RBPMS: variants seen among roughly 807,000 people sequenced by gnomAD.
RBPMS encodes RNA-binding protein with multiple splicing.
In RBPMS, 7 loss-of-function variants were observed where a neutral mutation model predicts 26.8. That is an observed-to-expected ratio of 0.26 (90% CI 0.15 to 0.49). RBPMS has a LOEUF of 0.49. RBPMS is among the 20% of genes least tolerant of loss of function. The probability of loss-of-function intolerance (pLI) is 0.98; values close to 1 mark genes in which losing one functional copy is unlikely to be tolerated. For missense variants in RBPMS, 186 were observed against 250.0 expected, an observed-to-expected ratio of 0.74 and a Z score of 1.73; for synonymous variants, 96 against 93.3, an observed-to-expected ratio of 1.03 and a Z score of -0.17.
Position 30,558,008 on chromosome 8 carries a change from G to GC in RBPMS, c.529-878dup, listed in dbSNP as rs568648931. On this transcript the variant is annotated intron_variant, in intron 6 of 8. Coordinates refer to ENST00000397323, the MANE Select transcript of RBPMS (RefSeq NM_001008710.3). Reference sequence around the variant, plus strand: ...GCCTCCCAAGCAGCTGGGATTACAGGCATGCATGCCCACGCCCAGCTAATT... The same window carrying GC: ...GCCTCCCAAGCAGCTGGGATTACAGGCCATGCATGCCCACGCCCAGCTAATT... 1.5e-4 allele frequency among the ~76,000 whole-genome samples: 23 copies of GC among 152,304 alleles called. No homozygotes were observed. The East Asian group carries it at 4.4e-3, about 29-fold the overall frequency.
intron 5 of RBPMS, among the ~76,000 whole-genome samples, chr8:30,511,325 A>G (rs563055993): frequency 6.6e-6 from 1 of 151,554 alleles, no homozygotes; most frequent in South Asian, 2.1e-4. Context: ...AAATAAAACA[A>G]AAAATCAAGC....
At position 30,388,372 on chromosome 8, in the gene RBPMS, T is replaced by C. The variant is rs191283825; in HGVS notation, c.66+3214T>C. On this transcript the variant is annotated intron_variant, in intron 1 of 8. Coordinates refer to ENST00000397323, the MANE Select transcript of RBPMS (RefSeq NM_001008710.3). ...TTGATGAGTTTAAAGTATTTTCAAA[T>C]ATATCAAGACCTTTTCTGTCTTATA... 1.8e-3 allele frequency among the ~76,000 whole-genome samples: 272 copies of C among 151,526 alleles called. 1 individual carries two copies. Among genetic ancestry groups the C allele is most frequent in the African/African-American group, 6.1e-3 (251 of 41,472 alleles).
At chr8:30,439,425 T>G (rs1011130413) in intron 1 of RBPMS, among the ~76,000 whole-genome samples, 2 of 152,240 alleles carry the variant, frequency 1.3e-5, no homozygotes, top group African/African-American at 4.8e-5. Flanking sequence ...TTCCTTTGAT[T>G]CATGATTTAC....
Position 30,504,422 on chromosome 8 carries a change from T to C in RBPMS, c.383T>C (p.Ile128Thr). The C allele has an allele frequency of 3.7e-6, 6 of 1,614,172 alleles. No individual in the cohort carries two copies. Among genetic ancestry groups the C allele is most frequent in the South Asian group, 1.1e-5 (1 of 91,082 alleles). ...CTGCCCAACACTGTACCTCAGTTCA[T>C]TGCCAGAGAGCCATGTAAGTCGATC... is the stretch of plus-strand genomic sequence containing the variant. ...TPLPNTVPQF[I>T]AREPYELTVP... The change falls in exon 5 of 9, where the codon ATT becomes ACT. Residue 128 changes from isoleucine to threonine, a missense_variant. Coordinates refer to ENST00000397323, the MANE Select transcript of RBPMS (RefSeq NM_001008710.3).
chr8:30,496,431 G>C (rs1457600593), intron 4 of RBPMS, among the ~76,000 whole-genome samples: 1 of 152,104 alleles, frequency 6.6e-6, no homozygotes, highest in Non-Finnish European at 1.5e-5. Flanking sequence ...GCCTCCCAAA[G>C]TGGTGGGATT....
chr8:30,412,433 T>C (rs992508479), intron 1 of RBPMS, among the ~76,000 whole-genome samples: 1 of 151,736 alleles, frequency 6.6e-6, no homozygotes, highest in Non-Finnish European at 1.5e-5. Flanking sequence ...CTTATTTTAA[T>C]AGGAATGACA....
chr8:30,500,864 C>T (rs1260959407), intron 4 of RBPMS, among the ~76,000 whole-genome samples: 1 of 152,114 alleles, frequency 6.6e-6, no homozygotes, highest in Non-Finnish European at 1.5e-5. Context: ...CATCTCATCC[C>T]AGCTTCTCTT....
rs373662369 is a variant in RBPMS, at chr8:30,421,400, A to G, written c.66+36242A>G. Among the ~76,000 whole-genome samples the G allele has an allele frequency of 3.9e-5, 6 of 152,190 alleles. No individual in the cohort carries two copies. In the South Asian group the frequency reaches 1.2e-3, roughly 32 times the overall value. ...ATTTAAAGTAAATTTCTTAAAGAAC[A>G]TGTAGGAATTATGTCACTACTTTGT... On this transcript the variant is annotated intron_variant, in intron 1 of 8. Transcript: ENST00000397323.
intron 1 of RBPMS, among the ~76,000 whole-genome samples, chr8:30,431,494 GC>G (rs1426413345): frequency 6.8e-6 from 1 of 148,100 alleles, no homozygotes; most frequent in African/African-American, 2.5e-5. Flanking sequence ...TCATTCTGTC[GC>G]CCAGACTGGA....
chr8:30,420,204 G>T (rs1810593790), intron 1 of RBPMS, among the ~76,000 whole-genome samples: 1 of 151,582 alleles, frequency 6.6e-6, no homozygotes, highest in Non-Finnish European at 1.5e-5. Context: ...CTTCATTCTG[G>T]GTGATAGAGC....
chr8:30,408,358 G>A (rs1196737267), intron 1 of RBPMS, among the ~76,000 whole-genome samples: 1 of 152,116 alleles, frequency 6.6e-6, no homozygotes, highest in Non-Finnish European at 1.5e-5. Context: ...GCGAAACTCT[G>A]TCTCTACTAA....
Position 30,544,527 on chromosome 8 carries a change from G to T in RBPMS, c.431G>T (p.Ser144Ile). 1 of 1,614,110 alleles carries T rather than the reference G, an allele frequency of 6.2e-7. No individual in the cohort carries two copies. The change falls in exon 6 of 9, where the codon AGC becomes ATC. Residue 144 changes from serine (S) to isoleucine (I), a missense_variant. This residue lies in a region of RBPMS where 98 missense variants were observed against 113.6 expected (regional missense o/e 0.86). Transcript: ENST00000397323. ...ELTVPALYPSSPEVWAPYPLY... is the reference protein window; with the variant it reads ...ELTVPALYPSIPEVWAPYPLY... ...ACAGTGCCTGCACTTTACCCCAGTA[G>T]CCCTGAAGTGTGGGCCCCGTACCCT... is the stretch of plus-strand genomic sequence containing the variant.
chr8:30,498,640 GT>G (rs770339574), intron 4 of RBPMS, among the ~76,000 whole-genome samples: 33 of 152,286 alleles, frequency 2.2e-4, no homozygotes, highest in Non-Finnish European at 4.3e-4. Context: ...ACAAAAAACT[GT>G]AAATAAATAT....
intron 4 of RBPMS, among the ~76,000 whole-genome samples, chr8:30,494,345 A>G: frequency 6.6e-6 from 1 of 152,140 alleles, no homozygotes; most frequent in East Asian, 1.9e-4. Context: ...AAGAATCCCC[A>G]TTGGTTCATA....
chr8:30,408,356 C>T (rs116962070), intron 1 of RBPMS, among the ~76,000 whole-genome samples: 1 of 152,150 alleles, frequency 6.6e-6, no homozygotes, highest in African/African-American at 2.4e-5. Flanking sequence ...TGGCGAAACT[C>T]TGTCTCTACT....
intron 4 of RBPMS, among the ~76,000 whole-genome samples, chr8:30,497,903 T>C (rs1282276599): frequency 6.6e-6 from 1 of 151,916 alleles, no homozygotes; most frequent in Non-Finnish European, 1.5e-5. Context: ...ATTACAGGCA[T>C]GATCCACCAA....
Position 30,504,312 on chromosome 8 carries a change from G to A in RBPMS, c.273G>A (p.Pro91=), listed in dbSNP as rs753117900. Reference sequence around the variant, plus strand: ...GCATCCGCTTCGATCCTGAAATTCCGCAAACACTACGACTAGAGTTTGCTA... The same window carrying A: ...GCATCCGCTTCGATCCTGAAATTCCACAAACACTACGACTAGAGTTTGCTA... ...LNGIRFDPEI[P]QTLRLEFAKA... is the part of the protein sequence containing the mutation. Residue 91 remains proline, a synonymous_variant, in exon 5 of 9, where the codon CCG becomes CCA. Transcript: ENST00000397323. 2.3e-4 allele frequency: 375 copies of A among 1,613,976 alleles called. 3 individuals are homozygous for A. Among genetic ancestry groups the A allele is most frequent in the Non-Finnish European group, 1.4e-5 (17 of 1,180,000 alleles).
chr8:30,476,192 T>A (rs1817676684), intron 2 of RBPMS, among the ~76,000 whole-genome samples: 1 of 75,902 alleles, frequency 1.3e-5, no homozygotes, highest in South Asian at 6.3e-4. Context: ...TTTTTTCAAA[T>A]GAGGAAAATG....
At chr8:30,458,001 A>T (rs1407009922) in intron 1 of RBPMS, among the ~76,000 whole-genome samples, 1 of 152,184 alleles carries the variant, frequency 6.6e-6, no homozygotes, top group Non-Finnish European at 1.5e-5. Flanking sequence ...ACTTCTGAGG[A>T]TACCAAAACC....
Sources: allele counts gnomAD v4.1 joint callset (sites outside exome capture counted in the v4.1 genomes callset), GRCh38; gene constraint gnomAD v4.1.1; regional missense constraint gnomAD v4.1.1; transcripts MANE v1.5; gene names NCBI Gene and HGNC (gene_info 2026-07-23, HGNC 2026-07-21).